Variants in SGF29 observed in about 807,000 individuals in gnomAD.
SGF29 encodes the protein SAGA complex associated factor 29, also known as SAGA-associated factor 29.
A neutral mutation model predicts 38.1 loss-of-function variants in SGF29; 15 were observed. The ratio of observed to expected loss-of-function variants is 0.39; its 90% CI spans 0.26 to 0.61. The LOEUF (loss-of-function observed/expected upper bound fraction) is 0.61. SGF29 is among the 20% of genes least tolerant of loss of function. SGF29 has a pLI of 0.49. For missense variants in SGF29, 184 were observed against 394.6 expected (o/e 0.47, Z 4.52); for synonymous variants, 151 against 160.8 (o/e 0.94, Z 0.46).
Position 28,585,771 on chromosome 16 carries a change from G to A in SGF29, c.224+51G>A, listed in dbSNP as rs1258726556. 3.9e-6 allele frequency: 6 copies of A among 1,537,964 alleles called. No homozygotes were observed. In the East Asian group the frequency reaches 1.3e-4, roughly 35 times the overall value. On this transcript the variant is annotated intron_variant, in intron 4 of 9. Transcript: ENST00000317058. Reference sequence around the variant, plus strand: ...GCCGCTCCCTCCTTTCCTGGGGGCTGGGCTGCAGGTCCATTTGGACCAAGT... The same window carrying A: ...GCCGCTCCCTCCTTTCCTGGGGGCTAGGCTGCAGGTCCATTTGGACCAAGT...
At chr16:28,589,196 T>C (rs753823888) in intron 5 of SGF29, 32 bp downstream of exon 5, 1 of 1,611,932 alleles carries the variant, frequency 6.2e-7, no homozygotes. Context: ...GGGAGGTCCT[T>C]TGCTAGGACA....
chr16:28,589,252 G>C, intron 5 of SGF29, 88 bp downstream of exon 5: 3 of 1,350,208 alleles, frequency 2.2e-6, no homozygotes, highest in Non-Finnish European at 3.2e-6. Flanking sequence ...GTGGGGGCCT[G>C]TGGCCACCAC....
chr16:28,586,869 A>T (rs2046958545), intron 4 of SGF29, among the ~76,000 whole-genome samples: 1 of 152,166 alleles, frequency 6.6e-6, no homozygotes, highest in South Asian at 2.1e-4. Context: ...ATCGATTAAG[A>T]CAGGGTCTCA....
At chr16:28,591,539 G>C in intron 9 of SGF29, 51 bp from the exon 10 acceptor site, 1 of 1,335,236 alleles carries the variant, frequency 7.5e-7, no homozygotes, top group Non-Finnish European at 1.1e-6. Context: ...GGGGGTGCCT[G>C]TCCTGGCCTG....
rs2046726534 is a variant in SGF29 at position 28,554,005 on chromosome 16, A to G, written c.-108A>G. ...GCCAATCTTCGAACGCAGGTCTGTG[A>G]TCATCCGCAGACTCCGAAAAAGGGT... On this transcript the variant is annotated 5_prime_UTR_variant, in exon 1 of 10. Transcript: ENST00000317058. 6.6e-6 allele frequency: 1 copy of G among 152,272 alleles called. No individual in the cohort carries two copies. Among genetic ancestry groups the G allele is most frequent in the African/African-American group, 2.4e-5 (1 of 41,456 alleles). The allele number at this position is 152,272 out of a possible 1,614,324, so 9.4% of individuals were successfully genotyped here. A position where few individuals can be genotyped will look rare whatever the true frequency, so the allele number is the denominator to read the frequency against.
At chr16:28,582,563 A>G (rs1182253280) in intron 2 of SGF29, among the ~76,000 whole-genome samples, 4 of 152,354 alleles carry the variant, frequency 2.6e-5, no homozygotes, top group East Asian at 3.9e-4. Flanking sequence ...GCAGGTATAC[A>G]TACAGGAACT....
intron 3 of SGF29, 37 bp from the exon 4 acceptor site, chr16:28,585,611 C>T: frequency 6.3e-7 from 1 of 1,576,838 alleles, no homozygotes; most frequent in South Asian, 1.1e-5. Flanking sequence ...TGTGCCTGCC[C>T]TGGCCCTGCC....
At chr16:28,576,346 A>G (rs114662495) in intron 1 of SGF29, among the ~76,000 whole-genome samples, 5 of 152,186 alleles carry the variant, frequency 3.3e-5, no homozygotes, top group Admixed American at 1.3e-4. Context: ...ACAGACCCCC[A>G]TGACACATAT....
intron 1 of SGF29, among the ~76,000 whole-genome samples, chr16:28,578,985 C>T (rs2046910484): frequency 6.6e-6 from 1 of 151,984 alleles, no homozygotes; most frequent in Non-Finnish European, 1.5e-5. Flanking sequence ...CAGGGTCTTG[C>T]TGTATTGTCC....
At chr16:28,585,766 G>C (rs1260240597) in intron 4 of SGF29, 46 bp downstream of exon 4, 2 of 1,563,880 alleles carry the variant, frequency 1.3e-6, no homozygotes, top group Non-Finnish European at 1.8e-6. Context: ...CCTTTCCTGG[G>C]GGCTGGGCTG....
chr16:28,585,254 T>G, intron 3 of SGF29: 1 of 510,632 alleles, frequency 2.0e-6, no homozygotes, highest in Non-Finnish European at 3.5e-6. Flanking sequence ...AGTTAGCTGG[T>G]GTTTTCTAGA....
chr16:28,577,360 A>C (rs920478302), intron 1 of SGF29, among the ~76,000 whole-genome samples: 2 of 151,920 alleles, frequency 1.3e-5, no homozygotes, highest in Middle Eastern at 3.2e-3. Context: ...CAAAAAAAAA[A>C]AACAAAAAAA....
intron 1 of SGF29, among the ~76,000 whole-genome samples, chr16:28,558,973 TG>T (rs1366010887): frequency 6.6e-6 from 1 of 152,192 alleles, no homozygotes; most frequent in African/African-American, 2.4e-5. Context: ...TAGATAGTGG[TG>T]ATATTTGCAC....
chr16:28,572,425 C>T (rs147177457), intron 1 of SGF29, among the ~76,000 whole-genome samples: 2 of 152,184 alleles, frequency 1.3e-5, no homozygotes, highest in East Asian at 1.9e-4. Flanking sequence ...CCGGCCACCA[C>T]GCCTGGCTAA....
chr16:28,565,521 G>A (rs551643921), intron 1 of SGF29, among the ~76,000 whole-genome samples: 4 of 151,996 alleles, frequency 2.6e-5, no homozygotes, highest in East Asian at 1.9e-4. Flanking sequence ...ATTTTGAGAC[G>A]GAGTCTCGCT....
At chr16:28,589,279 A>G (rs1453881042) in intron 5 of SGF29, 115 bp downstream of exon 5, 1 of 1,045,226 alleles carries the variant, frequency 9.6e-7, no homozygotes, top group African/African-American at 1.6e-5. Flanking sequence ...GCATCCTCCC[A>G]TGGAGGCTCT....
At chr16:28,554,285 C>T (rs1197879604) in intron 1 of SGF29, 188 bp downstream of exon 1, 1 of 151,582 alleles carries the variant, frequency 6.6e-6, no homozygotes, top group Non-Finnish European at 1.5e-5. Flanking sequence ...GGGGCCGGGG[C>T]TCGGGGAGGG....
intron 1 of SGF29, among the ~76,000 whole-genome samples, chr16:28,573,349 G>A (rs2046876600): frequency 2.0e-5 from 3 of 152,140 alleles, no homozygotes. Flanking sequence ...AGATCAGTAG[G>A]CCACATCGGA....
In SGF29 at chr16:28,564,550, CGT is replaced by C. The variant is rs1491359733; in HGVS notation, c.-16+10454_-16+10455del. Among the ~76,000 whole-genome samples the C allele has an allele frequency of 2.5e-4, 17 of 68,834 alleles. No individual in the cohort carries two copies. In the East Asian group the frequency reaches 3.9e-3, roughly 16 times the overall value. 45.2% of individuals were successfully genotyped at this position (68,834 alleles called of 152,430 possible). On this transcript the variant is annotated intron_variant, in intron 1 of 9. Transcript: ENST00000317058. Reference sequence around the variant, plus strand: ...GTGTATATATATATGTATATATATACGTATATATATATATACGTATATATATA... The same window carrying C: ...GTGTATATATATATGTATATATATACATATATATATATACGTATATATATA...
Sources: gnomAD v4.1 joint callset for allele counts (sites outside exome capture counted in the v4.1 genomes callset) on GRCh38, gnomAD v4.1.1 for gene constraint, MANE v1.5 for transcripts, NCBI Gene and HGNC (gene_info 2026-07-23, HGNC 2026-07-21) for gene names.